CMYA5: variants seen among roughly 807,000 people sequenced by gnomAD.
CMYA5 encodes cardiomyopathy-associated protein 5.
CMYA5 carries 246 observed loss-of-function variants against 318.9 expected under a neutral mutation model. That is an observed-to-expected ratio of 0.77 (90% confidence interval 0.70 to 0.86). CMYA5 has a LOEUF of 0.86. Ranked by LOEUF, CMYA5 falls within the 40% of genes least tolerant of loss-of-function variation. The pLI, the probability that CMYA5 is intolerant of heterozygous loss-of-function variation, is 0.00. For missense variants in CMYA5, 4,589 were observed against 4,678.2 expected, an observed-to-expected ratio of 0.98 and a Z score of 0.56; for synonymous variants, 1,641 against 1,729.5, an observed-to-expected ratio of 0.95 and a Z score of 1.27.
chr5:79,731,099 G>A lies in CMYA5; in HGVS notation c.2334G>A (p.Val778=), dbSNP rs1325390145. The A allele has an allele frequency of 3.7e-6, 6 of 1,613,900 alleles. No homozygotes were observed. In the South Asian group the frequency reaches 5.5e-5, roughly 15 times the overall value. ...CTTCTACTGCCACATCAGAACACGT[G>A]GTCCCATCAGAAGGAGAGGACCTAG... ...PLPSTATSEH[V]VPSEGEDLGS... The change falls in exon 2 of 13, where the codon GTG becomes GTA. Residue 778 remains valine (V), a synonymous_variant. Transcript: ENST00000446378.
At chr5:79,692,600 C>T (rs550898027) in intron 1 of CMYA5, among the ~76,000 whole-genome samples, 2 of 152,290 alleles carry the variant, frequency 1.3e-5, no homozygotes, top group East Asian at 3.9e-4. Context: ...TGGGAAAATC[C>T]TGTCCTCTTT....
Position 79,735,483 on chromosome 5 carries a change from G to A in CMYA5, c.6718G>A (p.Glu2240Lys). 6.2e-7 allele frequency: 1 copy of A among 1,613,822 alleles called. No homozygotes were observed. Among genetic ancestry groups the A allele is most frequent in the South Asian group, 1.1e-5 (1 of 91,066 alleles). The change falls in exon 2 of 13, where the codon GAG (glutamate) becomes AAG (lysine). Residue 2240 changes from glutamate to lysine, a missense_variant. Physicochemically the swap from Glu to Lys is moderately conservative, Grantham distance 56. This residue lies in a region of CMYA5 where 2,431 missense variants were observed against 2,495.1 expected (regional missense o/e 0.97). Coordinates refer to ENST00000446378, the MANE Select transcript of CMYA5 (RefSeq NM_153610.5). ...GAAACCAGCTGATCATTCATTATCA[G>A]AGGTAAAACTTAAAACTGCTGATGA... ...AEKPADHSLS[E>K]VKLKTADEPR...
intron 1 of CMYA5, among the ~76,000 whole-genome samples, chr5:79,722,417 A>G (rs1012921121): frequency 2.6e-5 from 4 of 152,094 alleles, no homozygotes; most frequent in Admixed American, 6.6e-5. Context: ...TGGCTCATGC[A>G]TGTAATCCCA....
chr5:79,704,078 G>T (rs1192776032), intron 1 of CMYA5, among the ~76,000 whole-genome samples: 4 of 151,528 alleles, frequency 2.6e-5, no homozygotes, highest in Admixed American at 2.0e-4. Context: ...GCAGCAAAGT[G>T]AGACTGTGTT....
At chr5:79,692,848 C>G (rs1471949945) in intron 1 of CMYA5, among the ~76,000 whole-genome samples, 2 of 152,150 alleles carry the variant, frequency 1.3e-5, no homozygotes, top group Non-Finnish European at 2.9e-5. Context: ...AATAATGATC[C>G]TATTTCACTT....
At chr5:79,758,925 A>G in intron 7 of CMYA5, 23 bp downstream of exon 7, 1 of 1,539,440 alleles carries the variant, frequency 6.5e-7, no homozygotes, top group Non-Finnish European at 8.8e-7. Flanking sequence ...ACACAAATAC[A>G]AATGCATATG....
chr5:79,747,059 C>A, intron 4 of CMYA5, 32 bp from the exon 5 acceptor site: 2 of 1,257,310 alleles, frequency 1.6e-6, no homozygotes, highest in Non-Finnish European at 1.1e-6. Flanking sequence ...TTTCTCTCTT[C>A]TCCTCCTCCT....
At position 79,733,266 on chromosome 5, in the gene CMYA5, AC is replaced by A. The variant is rs1827962757; in HGVS notation, c.4502del (p.Thr1501LysfsTer16). ...AGACAAACAAGATCTTTTATTTTCT[AC>A]AGTCTGTGACTCTGAACGTTTGGTT... The part of the protein sequence containing the change: ...VEDKQDLLFS[T>X]VCDSERLVSS... On this transcript the variant is annotated frameshift_variant, in exon 2 of 13. Transcript: ENST00000446378. LOFTEE classifies it high-confidence loss of function. The A allele has an allele frequency of 1.9e-6, 3 of 1,613,700 alleles. No individual in the cohort carries two copies. The highest frequency in any genetic ancestry group is 3.3e-5 in the Admixed American group (2 of 60,016).
rs1405715528 is a variant in CMYA5 at position 79,729,356 on chromosome 5, C to A, written c.591C>A (p.Thr197=). The A allele has an allele frequency of 1.2e-6, 2 of 1,612,776 alleles. No homozygotes were observed. Among genetic ancestry groups the A allele is most frequent in the African/African-American group, 2.7e-5 (2 of 74,770 alleles). ...ATGATAAAGCAAGAAAAAAGAAGAC[C>A]ACTTCAAATACACCTCCGATTACTG... is the stretch of plus-strand genomic sequence containing the variant. ...GIYDKARKKK[T]TSNTPPITGA... The change falls in exon 2 of 13, where the codon ACC becomes ACA. Residue 197 remains threonine (T), a synonymous_variant. Transcript: ENST00000446378.
Position 79,737,962 on chromosome 5 carries a change from A to G in CMYA5, c.9197A>G (p.Asp3066Gly). 6.2e-7 allele frequency: 1 copy of G among 1,613,398 alleles called. No individual in the cohort carries two copies. The highest frequency in any genetic ancestry group is 8.5e-7 in the Non-Finnish European group (1 of 1,179,694). Residue 3066 changes from aspartate (D) to glycine (G), a missense_variant, in exon 2 of 13, where the codon GAC (aspartate) becomes GGC (glycine). Asp to Gly is a moderately conservative substitution (Grantham distance 94). Around this residue, in one of 3 missense-constraint regions of CMYA5, gnomAD observed 2,431 missense variants for 2,495.1 expected, o/e 0.97. Transcript: ENST00000446378. ...TTGATTGATTATAACATCTCCCCAGACCCAGAAAAACAGAAAGCTCCACAG... is the reference window on the plus strand; with the variant it reads ...TTGATTGATTATAACATCTCCCCAGGCCCAGAAAAACAGAAAGCTCCACAG... ...YTLIDYNISP[D>G]PEKQKAPQKL...
At position 79,734,281 on chromosome 5, in the gene CMYA5, T is replaced by A. The variant is rs1412999331; in HGVS notation, c.5516T>A (p.Val1839Glu). The A allele has an allele frequency of 6.2e-7, 1 of 1,613,582 alleles. No homozygotes were observed. Among genetic ancestry groups the A allele is most frequent in the East Asian group, 2.2e-5 (1 of 44,876 alleles). ...HSDQTVKLPD[V>E]STSSEDKQDL... is the part of the protein sequence containing the mutation. ...GATCAAACTGTTAAATTACCTGATG[T>A]AAGCACCTCTTCTGAAGATAAACAA... is the stretch of plus-strand genomic sequence containing the variant. Residue 1839 changes from valine to glutamate, a missense_variant, in exon 2 of 13, where the codon GTA becomes GAA. Transcript: ENST00000446378.
chr5:79,734,586 G>A lies in CMYA5; in HGVS notation c.5821G>A (p.Glu1941Lys). The A allele has an allele frequency of 1.2e-6, 2 of 1,613,890 alleles. No individual in the cohort carries two copies. The highest frequency in any genetic ancestry group is 8.5e-7 in the Non-Finnish European group (1 of 1,179,844). ...AAVSSKDHTC[E>K]VRKQVLPHSA... is the part of the protein sequence containing the mutation. ...TGTGTCCAGTAAGGACCATACATGTGAAGTGAGAAAGCAGGTCCTGCCGCA... is the reference window on the plus strand; with the variant it reads ...TGTGTCCAGTAAGGACCATACATGTAAAGTGAGAAAGCAGGTCCTGCCGCA... The change falls in exon 2 of 13, where the codon GAA becomes AAA. Residue 1941 changes from glutamate (E) to lysine (K), a missense_variant. By Grantham distance (56) the Glu-to-Lys change is moderately conservative (BLOSUM62 1). Transcript: ENST00000446378.
Position 79,731,494 on chromosome 5 carries a change from C to T in CMYA5, c.2729C>T (p.Thr910Ile). The change falls in exon 2 of 13, where the codon ACA becomes ATA. Residue 910 changes from threonine to isoleucine, a missense_variant. Physicochemically the swap from Thr to Ile is moderately conservative, Grantham distance 89. Coordinates refer to ENST00000446378, the MANE Select transcript of CMYA5 (RefSeq NM_153610.5). ...GAATTTTCAGTACCACCATATGCAA[C>T]ACCGGAGGCACAGGAGGAAGAAATT... Reference protein sequence around the residue: ...ASEFSVPPYATPEAQEEEIVH... With the variant: ...ASEFSVPPYAIPEAQEEEIVH... The T allele has an allele frequency of 1.9e-6, 3 of 1,605,294 alleles. No individual in the cohort carries two copies. Among genetic ancestry groups the T allele is most frequent in the Non-Finnish European group, 2.6e-6 (3 of 1,175,590 alleles).
chr5:79,791,807 G>T (rs905460551), intron 11 of CMYA5, among the ~76,000 whole-genome samples: 1 of 151,600 alleles, frequency 6.6e-6, no homozygotes, highest in Non-Finnish European at 1.5e-5. Context: ...AGTAGCTCCC[G>T]CAAAAGGAAG....
chr5:79,755,844 T>G (rs530973322), intron 6 of CMYA5, among the ~76,000 whole-genome samples: 1 of 152,236 alleles, frequency 6.6e-6, no homozygotes. Context: ...CTAACCTACA[T>G]ACTTTGCTTC....
In CMYA5 at chr5:79,799,646, C is replaced by T. The variant is rs531670792; in HGVS notation, c.*30C>T. On this transcript the variant is annotated 3_prime_UTR_variant, in exon 13 of 13. Coordinates refer to ENST00000446378, the MANE Select transcript of CMYA5 (RefSeq NM_153610.5). ...TGGCTTTCAGAATTTGCAAGAACAG[C>T]GATTTGAATTTTGGGGGGGTCTGCT... The T allele has an allele frequency of 9.5e-6, 15 of 1,586,832 alleles. No homozygotes were observed. Among genetic ancestry groups the T allele is most frequent in the East Asian group, 6.8e-5 (3 of 44,070 alleles).
At chr5:79,691,528 G>A (rs965868011) in intron 1 of CMYA5, among the ~76,000 whole-genome samples, 11 of 152,222 alleles carry the variant, frequency 7.2e-5, no homozygotes, top group African/African-American at 2.4e-4. Flanking sequence ...ACTACAGACA[G>A]TAAGGTGGAC....
chr5:79,740,814 A>G (rs1479700581), intron 2 of CMYA5, among the ~76,000 whole-genome samples: 1 of 152,186 alleles, frequency 6.6e-6, no homozygotes, highest in Non-Finnish European at 1.5e-5. Flanking sequence ...TCTTAAAATT[A>G]CTAAATAACA....
Position 79,729,004 on chromosome 5 carries a change from A to G in CMYA5, c.239A>G (p.Asp80Gly). ...SFSMVTVQRE[D>G]SGITWETNSS... ...TCCATGGTGACAGTCCAAAGGGAAG[A>G]TAGTGGGATAACCTGGGAAACCAAT... is the stretch of plus-strand genomic sequence containing the variant. The change falls in exon 2 of 13, where the codon GAT becomes GGT. Residue 80 changes from aspartate (D) to glycine (G), a missense_variant. Physicochemically the swap from Asp to Gly is moderately conservative, Grantham distance 94. This residue lies in a region of CMYA5 where 2,132 missense variants were observed against 2,131.3 expected (regional missense o/e 1.00). Coordinates refer to ENST00000446378, the MANE Select transcript of CMYA5 (RefSeq NM_153610.5). The G allele has an allele frequency of 6.2e-7, 1 of 1,613,980 alleles. No individual in the cohort carries two copies. The highest frequency in any genetic ancestry group is 8.5e-7 in the Non-Finnish European group (1 of 1,179,852).
Sources: gnomAD v4.1 joint callset for allele counts (sites outside exome capture counted in the v4.1 genomes callset) on GRCh38, gnomAD v4.1.1 for gene constraint, gnomAD v4.1.1 regional missense constraint, MANE v1.5 for transcripts, NCBI Gene and HGNC (gene_info 2026-07-23, HGNC 2026-07-21) for gene names.